Variants in ACVR1C observed in about 807,000 individuals in gnomAD.
The protein encoded by ACVR1C is activin receptor type-1C.
Under a neutral mutation model 57.9 loss-of-function variants are expected in ACVR1C, and 23 were observed. The ratio of observed to expected loss-of-function variants is 0.40; its 90% CI spans 0.29 to 0.56. ACVR1C has a LOEUF of 0.56. Ranked by LOEUF, ACVR1C falls within the 20% of genes least tolerant of loss-of-function variation. ACVR1C has a pLI of 0.50. For synonymous variants in ACVR1C, 214 were observed against 215.3 expected (o/e 0.99, Z 0.05); for missense variants, 480 against 607.9 (o/e 0.79, Z 2.21).
In ACVR1C at chr2:157,576,203, C is replaced by CTT. The variant is rs10628650; in HGVS notation, c.304+10982_304+10983dup. Among the ~76,000 whole-genome samples, 334 of 97,924 alleles carry CTT rather than the reference C, an allele frequency of 3.4e-3. 17 individuals are homozygous for CTT. Among genetic ancestry groups the CTT allele is most frequent in the African/African-American group, 0.013 (312 of 23,586 alleles). 64.2% of individuals were successfully genotyped at this position (97,924 alleles called of 152,430 possible). A position where few individuals can be genotyped will look rare whatever the true frequency, so the allele number is the denominator to read the frequency against. ...ATTGTGGCTTGAGGAATAATCATTT[C>CTT]TTTTTTTTTTTTTTTTTTTTGGCGA... is the stretch of plus-strand genomic sequence containing the variant. On this transcript the variant is annotated intron_variant, in intron 2 of 8. Coordinates refer to ENST00000243349, the MANE Select transcript of ACVR1C (RefSeq NM_145259.3).
chr2:157,628,595 G>A lies in ACVR1C; in HGVS notation c.50C>T (p.Ala17Val), dbSNP rs758966878. 1 of 1,607,206 alleles carries A rather than the reference G, an allele frequency of 6.2e-7. No individual in the cohort carries two copies. The highest frequency in any genetic ancestry group is 8.5e-7 in the Non-Finnish European group (1 of 1,177,500). The stretch of plus-strand genomic sequence containing the variant: ...ACCTGGCGAGAGCTCGGCGGCCGCT[G>A]CGAGCAGCAGGAGAGCCTGGCGGAG... ...SALRQALLLL[A>V]AAAELSPGLK... Residue 17 changes from alanine (A) to valine (V), a missense_variant, in exon 1 of 9, where the codon GCA (alanine) becomes GTA (valine). Physicochemically the swap from Ala to Val is moderately conservative, Grantham distance 64. Coordinates refer to ENST00000243349, the MANE Select transcript of ACVR1C (RefSeq NM_145259.3).
chr2:157,554,556 A>G (rs903024463), intron 3 of ACVR1C, among the ~76,000 whole-genome samples: 8 of 152,184 alleles, frequency 5.3e-5, no homozygotes, highest in African/African-American at 1.2e-4. Flanking sequence ...CCTAATGTGT[A>G]CAGTGATGGT....
At chr2:157,559,674 G>C (rs1043936727) in intron 2 of ACVR1C, among the ~76,000 whole-genome samples, 1 of 152,108 alleles carries the variant, frequency 6.6e-6, no homozygotes, top group Non-Finnish European at 1.5e-5. Flanking sequence ...TGAGGTGGGA[G>C]GAGTGCTGCA....
intron 1 of ACVR1C, among the ~76,000 whole-genome samples, chr2:157,589,225 T>G (rs1174325709): frequency 6.6e-6 from 1 of 151,974 alleles, no homozygotes; most frequent in Non-Finnish European, 1.5e-5. Flanking sequence ...ATGGTGACTA[T>G]TCTGGCTGGG....
intron 1 of ACVR1C, among the ~76,000 whole-genome samples, chr2:157,612,560 C>T (rs1484996831): frequency 6.6e-6 from 1 of 152,122 alleles, no homozygotes; most frequent in Admixed American, 6.5e-5. Context: ...GGGAAGGGGT[C>T]CCACTCTCTG....
At chr2:157,592,601 T>G (rs1689072675) in intron 1 of ACVR1C, among the ~76,000 whole-genome samples, 1 of 152,048 alleles carries the variant, frequency 6.6e-6, no homozygotes, top group Non-Finnish European at 1.5e-5. Context: ...GGACCTAAGA[T>G]GAATAAGTAA....
rs977491369 is a variant in ACVR1C at position 157,527,145 on chromosome 2, T to C, written c.*6773A>G. 2 of 151,652 alleles carry C rather than the reference T, an allele frequency of 1.3e-5. No homozygotes were observed. The highest frequency in any genetic ancestry group is 6.6e-5 in the Admixed American group (1 of 15,240). The allele number at this position is 151,652 out of a possible 1,614,324, so 9.4% of individuals were successfully genotyped here. A position where few individuals can be genotyped will look rare whatever the true frequency, so the allele number is the denominator to read the frequency against. ...AAATTAATGAAACATCTGAATATCATTCATTTCTCTTTGGAGTTTGAAATT... is the reference window on the plus strand; with the variant it reads ...AAATTAATGAAACATCTGAATATCACTCATTTCTCTTTGGAGTTTGAAATT... On this transcript the variant is annotated 3_prime_UTR_variant, in exon 9 of 9. Transcript: ENST00000243349.
chr2:157,555,304 A>G (rs995215702), intron 3 of ACVR1C, among the ~76,000 whole-genome samples: 28 of 151,060 alleles, frequency 1.9e-4, no homozygotes, highest in African/African-American at 6.8e-4. Flanking sequence ...ATTTTTTAGT[A>G]GAGACGGGGT....
At chr2:157,565,006 A>C (rs1431670481) in intron 2 of ACVR1C, among the ~76,000 whole-genome samples, 1 of 152,116 alleles carries the variant, frequency 6.6e-6, no homozygotes, top group South Asian at 2.1e-4. Flanking sequence ...TAGCCAATGC[A>C]TGCGGGGCTT....
intron 5 of ACVR1C, 88 bp downstream of exon 5, chr2:157,544,357 A>G: frequency 3.1e-6 from 4 of 1,295,784 alleles, no homozygotes; most frequent in Non-Finnish European, 4.1e-6. Flanking sequence ...AAGAAATAAT[A>G]ATTAATTACT....
chr2:157,549,778 G>C (rs1687865362), intron 4 of ACVR1C, among the ~76,000 whole-genome samples: 1 of 138,662 alleles, frequency 7.2e-6, no homozygotes, highest in Admixed American at 8.2e-5. Flanking sequence ...GAGGTCAGGA[G>C]ATCAAGACCA....
At chr2:157,550,946 C>CA (rs748799139) in intron 3 of ACVR1C, among the ~76,000 whole-genome samples, 1 of 150,826 alleles carries the variant, frequency 6.6e-6, no homozygotes, top group South Asian at 2.1e-4. Context: ...TTCTGCAGAA[C>CA]AAAAAAAAAT....
intron 1 of ACVR1C, among the ~76,000 whole-genome samples, chr2:157,621,857 A>C (rs1682780497): frequency 6.6e-6 from 1 of 152,188 alleles, no homozygotes. Flanking sequence ...GGTTTATCAC[A>C]GCTCCTCTAC....
chr2:157,550,289 C>G lies in ACVR1C; in HGVS notation c.648G>C (p.Gly216=). Residue 216 remains glycine (G), a synonymous_variant, in exon 4 of 9, where the codon GGG becomes GGC. Transcript: ENST00000243349. ...FGEVWHGRWC[G]EDVAVKIFSS... Reference sequence around the variant, plus strand: ...AGAATATTTTCACAGCCACATCTTCCCCACACCATCTTCCATGCCACACCT... The same window carrying G: ...AGAATATTTTCACAGCCACATCTTCGCCACACCATCTTCCATGCCACACCT... The G allele has an allele frequency of 6.2e-7, 1 of 1,614,106 alleles. No individual in the cohort carries two copies. The highest frequency in any genetic ancestry group is 8.5e-7 in the Non-Finnish European group (1 of 1,180,010).
Position 157,556,466 on chromosome 2 carries a change from A to T in ACVR1C, c.305-134T>A, listed in dbSNP as rs1234384776. 4.2e-6 allele frequency: 5 copies of T among 1,179,624 alleles called. No individual in the cohort carries two copies. The East Asian group carries it at 1.2e-4, about 29-fold the overall frequency. The allele number at this position is 1,179,624 out of a possible 1,614,324, so 73.1% of individuals were successfully genotyped here. A position where few individuals can be genotyped will look rare whatever the true frequency, so the allele number is the denominator to read the frequency against. ...AGTATGCACTTATGTTCATTGGTAAAGGCTCTCTGTGGTATAAGCAAAGAT... is the reference window on the plus strand; with the variant it reads ...AGTATGCACTTATGTTCATTGGTAATGGCTCTCTGTGGTATAAGCAAAGAT... On this transcript the variant is annotated intron_variant, in intron 2 of 8. Transcript: ENST00000243349.
intron 1 of ACVR1C, among the ~76,000 whole-genome samples, chr2:157,594,335 T>C (rs1682031163): frequency 6.6e-6 from 1 of 151,942 alleles, no homozygotes; most frequent in Non-Finnish European, 1.5e-5. Flanking sequence ...CCCCTCCAGG[T>C]CTATAGTCCT....
intron 2 of ACVR1C, among the ~76,000 whole-genome samples, chr2:157,569,826 C>G (rs1253986998): frequency 7.6e-4 from 10 of 13,114 alleles, no homozygotes; most frequent in East Asian, 3.5e-3. Flanking sequence ...CTATTCCAAT[C>G]AATAGAAAAA....
intron 1 of ACVR1C, among the ~76,000 whole-genome samples, chr2:157,595,818 C>A (rs947690524): frequency 7.2e-5 from 11 of 152,272 alleles, no homozygotes; most frequent in Admixed American, 3.9e-4. Flanking sequence ...TTCTTGTTCC[C>A]TTTGCCTGTA....
At chr2:157,587,485 G>A (rs1688954597) in intron 1 of ACVR1C, 68 bp from the exon 2 acceptor site, 3 of 1,158,288 alleles carry the variant, frequency 2.6e-6, no homozygotes, top group Admixed American at 2.0e-5. Context: ...GATAATACCT[G>A]GGAATATAAA....
Sources: gnomAD v4.1 joint callset for allele counts (sites outside exome capture counted in the v4.1 genomes callset) on GRCh38, gnomAD v4.1.1 for gene constraint, MANE v1.5 for transcripts, NCBI Gene and HGNC (gene_info 2026-07-23, HGNC 2026-07-21) for gene names.